The following SYT11 variants were observed in gnomAD, a reference collection of about 807,000 sequenced individuals.
The protein encoded by SYT11 is synaptotagmin 11.
Under a neutral mutation model 30.4 loss-of-function variants are expected in SYT11, and 12 were observed. The observed-to-expected ratio is 0.39, with a 90% CI of 0.25 to 0.64. The LOEUF (loss-of-function observed/expected upper bound fraction) is 0.64, where lower values mean the gene tolerates loss of function less well. Ranked by LOEUF, SYT11 falls within the 30% of genes least tolerant of loss-of-function variation. The pLI, the probability that SYT11 is intolerant of heterozygous loss-of-function variation, is 0.45. For synonymous variants in SYT11, 204 were observed against 216.0 expected, an observed-to-expected ratio of 0.94 and a Z score of 0.49; for missense variants, 412 against 552.0, an observed-to-expected ratio of 0.75 and a Z score of 2.54.
rs771572385 is a variant in SYT11 at position 155,881,361 on chromosome 1, C to T, written c.1149C>T (p.Asp383=). ...TCAGCATCGAGTTCCTCGTTATCGA[C>T]TTCGATCGCACCACCAAGAATGAGG... is the stretch of plus-strand genomic sequence containing the variant. ...PDISIEFLVI[D]FDRTTKNEVV... Residue 383 remains aspartate, a synonymous_variant, in exon 4 of 4, where the codon GAC becomes GAT. Coordinates refer to ENST00000368324, the MANE Select transcript of SYT11 (RefSeq NM_152280.5). The T allele has an allele frequency of 3.1e-6, 5 of 1,614,204 alleles. No individual in the cohort carries two copies. In the South Asian group the frequency reaches 5.5e-5, roughly 18 times the overall value.
At chr1:155,878,853 C>A (rs190301488) in intron 2 of SYT11, among the ~76,000 whole-genome samples, 2 of 150,472 alleles carry the variant, frequency 1.3e-5, no homozygotes, top group Admixed American at 6.6e-5. Context: ...GGTGACAGAG[C>A]GAGAGACTCT....
At chr1:155,874,880 A>C in intron 2 of SYT11, among the ~76,000 whole-genome samples, 1 of 149,532 alleles carries the variant, frequency 6.7e-6, no homozygotes, top group Non-Finnish European at 1.5e-5. Flanking sequence ...ACAGAGCAAG[A>C]CTCCGTCTCA....
intron 1 of SYT11, among the ~76,000 whole-genome samples, chr1:155,863,598 C>T (rs574701858): frequency 3.3e-5 from 5 of 152,022 alleles, no homozygotes; most frequent in African/African-American, 1.2e-4. Context: ...ACCACCTGGG[C>T]AATATAGTGA....
In SYT11 at chr1:155,859,699, C is replaced by A; in HGVS notation, c.-63C>A. ...CTACAGCTGCTGCCTCGGTACTGAC[C>A]GAGGGTTCCCAGAGCTGTCTCACCA... On this transcript the variant is annotated 5_prime_UTR_variant, in exon 1 of 4. Transcript: ENST00000368324. 1 of 1,539,734 alleles carries A rather than the reference C, an allele frequency of 6.5e-7. No homozygotes were observed. The highest frequency in any genetic ancestry group is 1.1e-5 in the South Asian group (1 of 89,554).
intron 2 of SYT11, among the ~76,000 whole-genome samples, chr1:155,876,421 T>C (rs1485270396): frequency 6.6e-6 from 1 of 151,592 alleles, no homozygotes; most frequent in African/African-American, 2.4e-5. Context: ...AATTTTTTTG[T>C]ATTTTTAGTA....
At chr1:155,874,144 C>G (rs822514) in intron 2 of SYT11, among the ~76,000 whole-genome samples, 82,087 of 151,912 alleles carry the variant, frequency 0.54, 24,283 homozygotes, top group Middle Eastern at 0.67. Context: ...CATGGTGATT[C>G]ACGCCGGTAA....
intron 2 of SYT11, among the ~76,000 whole-genome samples, chr1:155,869,481 T>C (rs1199408471): frequency 6.6e-6 from 1 of 151,972 alleles, no homozygotes; most frequent in Non-Finnish European, 1.5e-5. Context: ...CATGTTAGCC[T>C]GGCTAGTCTT....
Position 155,881,607 on chromosome 1 carries a change from T to C in SYT11, c.*99T>C. ...AGTGGACTCCAAACCTCATTTTAGT[T>C]GTAGAAGAAAATTTCTTACAAAACA... On this transcript the variant is annotated 3_prime_UTR_variant, in exon 4 of 4. Transcript: ENST00000368324. 1.7e-6 allele frequency: 2 copies of C among 1,200,072 alleles called. No homozygotes were observed. The highest frequency in any genetic ancestry group is 2.3e-6 in the Non-Finnish European group (2 of 868,416). 74.3% of individuals were successfully genotyped at this position (1,200,072 alleles called of 1,614,324 possible).
chr1:155,866,971 C>CAT (rs1672688671), intron 1 of SYT11, among the ~76,000 whole-genome samples: 1 of 36,660 alleles, frequency 2.7e-5, no homozygotes, highest in Non-Finnish European at 8.2e-5. Flanking sequence ...TACACATACA[C>CAT]ACACACACAC....
At chr1:155,867,518 C>A (rs112195364) in intron 1 of SYT11, among the ~76,000 whole-genome samples, 9 of 152,156 alleles carry the variant, frequency 5.9e-5, no homozygotes, top group Non-Finnish European at 1.2e-4. Flanking sequence ...AGCCTGACAG[C>A]GAGTCAGTCA....
chr1:155,877,744 T>C (rs1672890955), intron 2 of SYT11, among the ~76,000 whole-genome samples: 1 of 150,916 alleles, frequency 6.6e-6, no homozygotes, highest in South Asian at 2.1e-4. Flanking sequence ...TTTTAGTAGA[T>C]ACCAGGTTTC....
chr1:155,868,375 C>T lies in SYT11; in HGVS notation c.445C>T (p.Pro149Ser). 6.2e-7 allele frequency: 1 copy of T among 1,614,030 alleles called. No homozygotes were observed. Among genetic ancestry groups the T allele is most frequent in the Non-Finnish European group, 8.5e-7 (1 of 1,179,988 alleles). ...LTPGESKTTS[P>S]SSPEEDVMLG... Reference sequence around the variant, plus strand: ...CCCTGGGGAGAGCAAAACCACCTCTCCATCATCTCCAGAGGAGGATGTCAT... The same window carrying T: ...CCCTGGGGAGAGCAAAACCACCTCTTCATCATCTCCAGAGGAGGATGTCAT... Residue 149 changes from proline (P) to serine (S), a missense_variant, in exon 2 of 4, where the codon CCA (proline) becomes TCA (serine). Transcript: ENST00000368324. This position sits in a 1 kb window ranked among gnomAD's most constrained non-coding sequence, Gnocchi z 4.7.
At chr1:155,867,166 T>G (rs1672695642) in intron 1 of SYT11, among the ~76,000 whole-genome samples, 1 of 151,984 alleles carries the variant, frequency 6.6e-6, no homozygotes, top group Non-Finnish European at 1.5e-5. Context: ...CAAGCGATTC[T>G]CCTGCATCAG....
At chr1:155,861,151 C>T (rs1428023404) in intron 1 of SYT11, among the ~76,000 whole-genome samples, 2 of 152,156 alleles carry the variant, frequency 1.3e-5, no homozygotes, top group Admixed American at 1.3e-4. Context: ...CAGATGTGTT[C>T]AGATAACTGA....
At position 155,881,259 on chromosome 1, in the gene SYT11, T is replaced by C. The variant is rs1158437866; in HGVS notation, c.1047T>C (p.His349=). 6.2e-6 allele frequency: 10 copies of C among 1,614,026 alleles called. No individual in the cohort carries two copies. Among genetic ancestry groups the C allele is most frequent in the Middle Eastern group, 3.3e-4 (2 of 6,082 alleles). ...GRKRIAKKKT[H]VKKCTLNPIF... ...AGCGCATTGCCAAGAAGAAAACCCA[T>C]GTGAAGAAGTGCACTTTGAACCCCA... The change falls in exon 4 of 4, where the codon CAT becomes CAC. Residue 349 remains histidine, a synonymous_variant. Coordinates refer to ENST00000368324, the MANE Select transcript of SYT11 (RefSeq NM_152280.5).
chr1:155,873,403 C>A (rs573636884), intron 2 of SYT11, among the ~76,000 whole-genome samples: 1 of 152,032 alleles, frequency 6.6e-6, no homozygotes, highest in Admixed American at 6.6e-5. Flanking sequence ...TCCAGCCTGG[C>A]GACAGAGCAA....
At chr1:155,861,941 C>T (rs1255204758) in intron 1 of SYT11, among the ~76,000 whole-genome samples, 2 of 152,192 alleles carry the variant, frequency 1.3e-5, no homozygotes, top group Non-Finnish European at 2.9e-5. Context: ...AAACCAATGT[C>T]TGGCTGAAGC....
At chr1:155,874,815 G>C (rs983415224) in intron 2 of SYT11, among the ~76,000 whole-genome samples, 1 of 145,736 alleles carries the variant, frequency 6.9e-6, no homozygotes, top group Non-Finnish European at 1.5e-5. Flanking sequence ...GCCTGAACCC[G>C]GGAGGCAGAG....
chr1:155,881,138 A>C, intron 3 of SYT11, 60 bp from the exon 4 acceptor site: 3 of 1,524,458 alleles, frequency 2.0e-6, no homozygotes, highest in Non-Finnish European at 2.7e-6. Context: ...TTACCATTAC[A>C]TAGGAGAGGA....
Sources: gnomAD v4.1 joint callset for allele counts (sites outside exome capture counted in the v4.1 genomes callset) on GRCh38, gnomAD v4.1.1 for gene constraint, Gnocchi (gnomAD v3.1) non-coding constraint, MANE v1.5 for transcripts, NCBI Gene and HGNC (gene_info 2026-07-23, HGNC 2026-07-21) for gene names.